Variants in ARHGAP15 observed in about 807,000 individuals in gnomAD.
ARHGAP15 encodes the protein Rho GTPase activating protein 15.
Under a neutral mutation model 63.7 loss-of-function variants are expected in ARHGAP15, and 51 were observed. The ratio of observed to expected loss-of-function variants is 0.80; its 90% CI spans 0.64 to 1.01. ARHGAP15 has a LOEUF of 1.01. Ranked by LOEUF, ARHGAP15 falls within the 50% of genes least tolerant of loss-of-function variation. The pLI, the probability that ARHGAP15 is intolerant of heterozygous loss-of-function variation, is 0.00. For synonymous variants in ARHGAP15, 191 were observed against 193.8 expected, an observed-to-expected ratio of 0.99 and a Z score of 0.12; for missense variants, 560 against 564.6, an observed-to-expected ratio of 0.99 and a Z score of 0.08.
At chr2:143,714,811 T>G (rs1321674747) in intron 13 of ARHGAP15, among the ~76,000 whole-genome samples, 1 of 152,226 alleles carries the variant, frequency 6.6e-6, no homozygotes, top group African/African-American at 2.4e-5. Context: ...CATCTCCATC[T>G]GAGACCACCT....
chr2:143,614,494 CAAAG>C (rs1332539891), intron 11 of ARHGAP15, among the ~76,000 whole-genome samples: 1 of 151,834 alleles, frequency 6.6e-6, no homozygotes, highest in Non-Finnish European at 1.5e-5. Flanking sequence ...GAATGATAAA[CAAAG>C]AGAATACAAA....
intron 9 of ARHGAP15, among the ~76,000 whole-genome samples, chr2:143,503,362 T>A (rs1299936999): frequency 6.6e-6 from 1 of 152,226 alleles, no homozygotes; most frequent in African/African-American, 2.4e-5. Context: ...TTAAAAGAGC[T>A]GTATTTTACT....
At chr2:143,568,073 G>T (rs1182967133) in intron 11 of ARHGAP15, among the ~76,000 whole-genome samples, 5 of 152,122 alleles carry the variant, frequency 3.3e-5, no homozygotes, top group Admixed American at 2.6e-4. Context: ...AACCCTAGAA[G>T]AAAAACTAGG....
At chr2:143,601,918 A>T (rs1697785935) in intron 11 of ARHGAP15, among the ~76,000 whole-genome samples, 1 of 152,176 alleles carries the variant, frequency 6.6e-6, no homozygotes, top group Admixed American at 6.6e-5. Flanking sequence ...ATATATTTCA[A>T]GGTTTTGTTT....
At chr2:143,682,058 G>T (rs1320195002) in intron 12 of ARHGAP15, among the ~76,000 whole-genome samples, 1 of 152,168 alleles carries the variant, frequency 6.6e-6, no homozygotes, top group Non-Finnish European at 1.5e-5. Flanking sequence ...GTGATTAGTT[G>T]CCCAAAGAGC....
intron 1 of ARHGAP15, among the ~76,000 whole-genome samples, chr2:143,152,882 T>C (rs1460317904): frequency 6.6e-6 from 1 of 151,562 alleles, no homozygotes; most frequent in Non-Finnish European, 1.5e-5. Flanking sequence ...AGTGAGCAAA[T>C]TGAGAGAAAT....
chr2:143,144,261 G>A (rs1689489441), intron 1 of ARHGAP15, among the ~76,000 whole-genome samples: 1 of 151,912 alleles, frequency 6.6e-6, no homozygotes, highest in African/African-American at 2.4e-5. Context: ...ATTCCTTTGG[G>A]TATATACCTA....
chr2:143,230,160 G>A (rs533490953), intron 5 of ARHGAP15, among the ~76,000 whole-genome samples: 8 of 152,212 alleles, frequency 5.3e-5, no homozygotes, highest in Non-Finnish European at 8.8e-5. Flanking sequence ...GAGGAAAGTC[G>A]CTGGCCTTGC....
At chr2:143,319,917 T>C (rs889915469) in intron 6 of ARHGAP15, among the ~76,000 whole-genome samples, 6 of 152,198 alleles carry the variant, frequency 3.9e-5, no homozygotes, top group Non-Finnish European at 7.3e-5. Flanking sequence ...TCGGTAAAAA[T>C]GTAAATGGTC....
intron 12 of ARHGAP15, among the ~76,000 whole-genome samples, chr2:143,679,377 CCTG>C (rs2105367326): frequency 6.6e-6 from 1 of 152,310 alleles, no homozygotes; most frequent in South Asian, 2.1e-4. Context: ...GCAGAGTCAA[CCTG>C]CTCTTATTTT....
intron 3 of ARHGAP15, among the ~76,000 whole-genome samples, chr2:143,207,627 T>C (rs548135445): frequency 6.6e-6 from 1 of 152,186 alleles, no homozygotes; most frequent in South Asian, 2.1e-4. Context: ...TCTTGCTGTG[T>C]CTTGTGAACA....
At chr2:143,244,445 G>T (rs1175603412) in intron 5 of ARHGAP15, among the ~76,000 whole-genome samples, 1 of 152,174 alleles carries the variant, frequency 6.6e-6, no homozygotes, top group Non-Finnish European at 1.5e-5. Flanking sequence ...AAATGAGCAA[G>T]ATTACGGCAG....
intron 12 of ARHGAP15, among the ~76,000 whole-genome samples, chr2:143,669,779 T>A (rs1682422906): frequency 6.6e-6 from 1 of 152,216 alleles, no homozygotes; most frequent in East Asian, 1.9e-4. Flanking sequence ...CTCAGGGTAT[T>A]CTGCTAGTCT....
rs555999304 is a variant in ARHGAP15 at position 143,337,829 on chromosome 2, A to C, written c.474+87229A>C. On this transcript the variant is annotated intron_variant, in intron 6 of 13. Coordinates refer to ENST00000295095, the MANE Select transcript of ARHGAP15 (RefSeq NM_018460.4). ...GAATGCCATTGGCCTATGATAATTA[A>C]ATTGAAGGGGAGAACACAGCATTAA... Among the ~76,000 whole-genome samples, 13 of 152,330 alleles carry C rather than the reference A, an allele frequency of 8.5e-5. 1 individual carries two copies. Among genetic ancestry groups the C allele is most frequent in the Middle Eastern group, 3.4e-3 (1 of 294 alleles).
chr2:143,359,279 A>G (rs954363721), intron 6 of ARHGAP15, among the ~76,000 whole-genome samples: 2 of 152,172 alleles, frequency 1.3e-5, no homozygotes, highest in African/African-American at 2.4e-5. Flanking sequence ...GGAATTTCTT[A>G]TAACCTTCCT....
At chr2:143,696,858 A>G (rs1475908343) in intron 12 of ARHGAP15, among the ~76,000 whole-genome samples, 2 of 152,182 alleles carry the variant, frequency 1.3e-5, no homozygotes, top group African/African-American at 4.8e-5. Flanking sequence ...AGTCAGATAG[A>G]TTCAGTTCCT....
intron 3 of ARHGAP15, among the ~76,000 whole-genome samples, chr2:143,211,825 C>G (rs1161034812): frequency 6.6e-6 from 1 of 152,072 alleles, no homozygotes; most frequent in African/African-American, 2.4e-5. Context: ...TTAAGTCACC[C>G]GCTTTCTACA....
chr2:143,581,819 A>C (rs1306566766), intron 11 of ARHGAP15, among the ~76,000 whole-genome samples: 4 of 151,994 alleles, frequency 2.6e-5, no homozygotes, highest in Admixed American at 6.6e-5. Context: ...AAGAGCAAAA[A>C]CTCTCATCTT....
chr2:143,239,667 T>G (rs939898473), intron 5 of ARHGAP15, among the ~76,000 whole-genome samples: 9 of 152,122 alleles, frequency 5.9e-5, no homozygotes, highest in Admixed American at 5.9e-4. Context: ...CTGGCCCACA[T>G]ATCGAGACCC....
Sources: allele counts gnomAD v4.1 joint callset (sites outside exome capture counted in the v4.1 genomes callset), GRCh38; gene constraint gnomAD v4.1.1; transcripts MANE v1.5; gene names NCBI Gene and HGNC (gene_info 2026-07-23, HGNC 2026-07-21).